PSMA3: variants seen among roughly 807,000 people sequenced by gnomAD.
The protein encoded by PSMA3 is proteasome subunit alpha type-3.
In PSMA3, 8 loss-of-function variants were observed where a neutral mutation model predicts 40.0. That is an observed-to-expected ratio of 0.20 (90% CI 0.12 to 0.36). PSMA3 has a LOEUF of 0.36. PSMA3 is among the 10% of genes least tolerant of loss of function. The pLI is 1.00. For synonymous variants in PSMA3, 110 were observed against 100.0 expected, an observed-to-expected ratio of 1.10 and a Z score of -0.59; for missense variants, 219 against 310.6, an observed-to-expected ratio of 0.70 and a Z score of 2.22.
intron 6 of PSMA3, among the ~76,000 whole-genome samples, chr14:58,263,072 T>C (rs1890329453): frequency 6.6e-6 from 1 of 150,376 alleles, no homozygotes. Flanking sequence ...AACCTCTGCC[T>C]CCCAGATTCA....
intron 5 of PSMA3, among the ~76,000 whole-genome samples, chr14:58,259,036 T>C (rs754699915): frequency 3.9e-5 from 6 of 152,292 alleles, no homozygotes; most frequent in Non-Finnish European, 8.8e-5. Flanking sequence ...CAAGCGATGC[T>C]CCTACCTCAG....
chr14:58,267,531 A>G lies in PSMA3; in HGVS notation c.590+11A>G, dbSNP rs777352057. ...AGAAGTTGCAAAAATGTAAGTTGAAATTTTTCTTACCATCCACAAAAATAT... is the reference window on the plus strand; with the variant it reads ...AGAAGTTGCAAAAATGTAAGTTGAAGTTTTTCTTACCATCCACAAAAATAT... On this transcript the variant is annotated intron_variant, in intron 8 of 10. Coordinates refer to ENST00000216455, the MANE Select transcript of PSMA3 (RefSeq NM_002788.4). 6.4e-7 allele frequency: 1 copy of G among 1,571,180 alleles called. No homozygotes were observed. Among genetic ancestry groups the G allele is most frequent in the Non-Finnish European group, 8.6e-7 (1 of 1,163,180 alleles).
At chr14:58,265,989 G>A (rs1217042604) in intron 7 of PSMA3, 1 of 152,116 alleles carries the variant, frequency 6.6e-6, no homozygotes, top group Non-Finnish European at 1.5e-5. Flanking sequence ...ACCATTATCA[G>A]ACCCAAGTAT....
Position 58,255,695 on chromosome 14 carries a change from G to T in PSMA3, c.229-2050G>T, listed in dbSNP as rs1004493467. ...GAGGCAGGAGAATCCCTTGAACCTG[G>T]GAGGTGGAGGTTGCGGTGAGCCGCG... On this transcript the variant is annotated intron_variant, in intron 3 of 10. Coordinates refer to ENST00000216455, the MANE Select transcript of PSMA3 (RefSeq NM_002788.4). Among the ~76,000 whole-genome samples the T allele has an allele frequency of 3.9e-5, 6 of 152,170 alleles. No individual in the cohort carries two copies. In the East Asian group the frequency reaches 7.7e-4, roughly 20 times the overall value.
chr14:58,248,220 G>T (rs1305764229), intron 2 of PSMA3, among the ~76,000 whole-genome samples: 1 of 152,084 alleles, frequency 6.6e-6, no homozygotes, highest in Non-Finnish European at 1.5e-5. Context: ...ATTCAGCAAA[G>T]ATTTTTTCTA....
In PSMA3 at chr14:58,263,687, ATATT is replaced by A. The variant is rs2140092390; in HGVS notation, c.478-16_478-13del. 6.3e-7 allele frequency: 1 copy of A among 1,595,488 alleles called. No individual in the cohort carries two copies. Among genetic ancestry groups the A allele is most frequent in the Non-Finnish European group, 8.6e-7 (1 of 1,163,896 alleles). ...TAGTGTACTAATTCAGTGATTATATATATTTTTTTCTAAATAGGGTTATTGGGGC... is the reference window on the plus strand; with the variant it reads ...TAGTGTACTAATTCAGTGATTATATATTTTTCTAAATAGGGTTATTGGGGC... On this transcript the variant is annotated splice_polypyrimidine_tract_variant and intron_variant, in intron 6 of 10. Transcript: ENST00000216455.
intron 5 of PSMA3, among the ~76,000 whole-genome samples, chr14:58,259,877 C>A (rs1246725326): frequency 1.3e-5 from 2 of 152,004 alleles, no homozygotes; most frequent in African/African-American, 4.8e-5. Flanking sequence ...AGAGATGATA[C>A]TGATGTAGGA....
chr14:58,251,035 G>A (rs2140080852), intron 2 of PSMA3, among the ~76,000 whole-genome samples: 1 of 152,032 alleles, frequency 6.6e-6, no homozygotes, highest in South Asian at 2.1e-4. Flanking sequence ...GAGGTGAGAG[G>A]ATTACTTGAG....
At chr14:58,261,813 T>C (rs530622624) in intron 6 of PSMA3, among the ~76,000 whole-genome samples, 1 of 152,224 alleles carries the variant, frequency 6.6e-6, no homozygotes, top group East Asian at 1.9e-4. Context: ...ACAAGGTCTT[T>C]CCACGTTCCC....
At chr14:58,252,312 T>C in intron 3 of PSMA3, 70 bp downstream of exon 3, 1 of 1,534,756 alleles carries the variant, frequency 6.5e-7, no homozygotes, top group Non-Finnish European at 8.8e-7. Context: ...TTGGAATAGA[T>C]CACTGTGCAG....
Position 58,263,554 on chromosome 14 carries a change from C to T in PSMA3, c.478-151C>T, listed in dbSNP as rs1025943586. On this transcript the variant is annotated intron_variant, in intron 6 of 10. Transcript: ENST00000216455. ...ATTTTAGTATTTTTGAGCCCTTTGG[C>T]ATTCATCAGAATGTGTTTGACTATA... 4 of 539,376 alleles carry T rather than the reference C, an allele frequency of 7.4e-6. No individual in the cohort carries two copies. In the South Asian group the frequency reaches 1.0e-4, roughly 14 times the overall value. 33.4% of individuals were successfully genotyped at this position (539,376 alleles called of 1,614,324 possible). A position where few individuals can be genotyped will look rare whatever the true frequency, so the allele number is the denominator to read the frequency against.
intron 5 of PSMA3, 114 bp downstream of exon 5, chr14:58,258,112 T>C (rs924677368): frequency 5.0e-5 from 39 of 787,748 alleles, no homozygotes; most frequent in Non-Finnish European, 8.3e-5. Context: ...CGATAAGTAT[T>C]AGGGCAATGA....
At chr14:58,259,355 C>T (rs1454679315) in intron 5 of PSMA3, among the ~76,000 whole-genome samples, 1 of 152,124 alleles carries the variant, frequency 6.6e-6, no homozygotes, top group African/African-American at 2.4e-5. Flanking sequence ...CGCTCTGTCG[C>T]CCAGGCTGGA....
At position 58,263,723 on chromosome 14, in the gene PSMA3, A is replaced by G; in HGVS notation, c.496A>G (p.Ile166Val). The change falls in exon 7 of 11, where the codon ATC becomes GTC. Residue 166 changes from isoleucine to valine, a missense_variant. By Grantham distance (29) the Ile-to-Val change is conservative. Transcript: ENST00000216455. ...TAAATAGGGTTATTGGGGCTGTGCC[A>G]TCGGCAAAGCCAGGCAAGCTGCAAA... ...GVSYGYWGCA[I>V]GKARQAAKTE... The G allele has an allele frequency of 6.2e-7, 1 of 1,613,746 alleles. No individual in the cohort carries two copies. Among genetic ancestry groups the G allele is most frequent in the Non-Finnish European group, 8.5e-7 (1 of 1,179,808 alleles).
intron 5 of PSMA3, 62 bp from the exon 6 acceptor site, chr14:58,260,886 T>G: frequency 8.1e-7 from 1 of 1,232,962 alleles, no homozygotes. Flanking sequence ...TTTAAAATAA[T>G]TTTTTCACAA....
chr14:58,252,164 A>G lies in PSMA3; in HGVS notation c.150A>G (p.Val50=). Residue 50 remains valine (V), a synonymous_variant, in exon 3 of 11, where the codon GTA becomes GTG. Transcript: ENST00000216455. ...IRCKDGVVFG[V]EKLVLSKLYE... is the part of the protein sequence containing the mutation. ...GCAAAGATGGTGTTGTCTTTGGGGT[A>G]GAAAAATTAGTCCTTTCTAAACTTT... 6.2e-7 allele frequency: 1 copy of G among 1,613,540 alleles called. No homozygotes were observed. Among genetic ancestry groups the G allele is most frequent in the Non-Finnish European group, 8.5e-7 (1 of 1,179,790 alleles).
At position 58,270,457 on chromosome 14, in the gene PSMA3, T is replaced by C. The variant is rs1437733934; in HGVS notation, c.630T>C (p.Phe210=). ...ATGACGAAGTTAAGGATAAAGCTTT[T>C]GAACTAGAACTCAGCTGGGTTGGTG... ...IVHDEVKDKA[F]ELELSWVGEL... Residue 210 remains phenylalanine (F), a synonymous_variant, in exon 9 of 11, where the codon TTT becomes TTC. Coordinates refer to ENST00000216455, the MANE Select transcript of PSMA3 (RefSeq NM_002788.4). 8 of 1,613,604 alleles carry C rather than the reference T, an allele frequency of 5.0e-6. No homozygotes were observed. Among genetic ancestry groups the C allele is most frequent in the Non-Finnish European group, 6.8e-6 (8 of 1,179,786 alleles).
rs376661234 is a variant in PSMA3 at position 58,263,811 on chromosome 14, A to G, written c.543+41A>G. On this transcript the variant is annotated intron_variant, in intron 7 of 10. Transcript: ENST00000216455. ...TGAATTTTTACTATGTCGTCATCCTAATGCAGTGAAATTTTATCACCACAG... is the reference window on the plus strand; with the variant it reads ...TGAATTTTTACTATGTCGTCATCCTGATGCAGTGAAATTTTATCACCACAG... The G allele has an allele frequency of 7.7e-6, 12 of 1,559,450 alleles. No homozygotes were observed. The African/African-American group carries it at 1.2e-4, about 16-fold the overall frequency.
intron 10 of PSMA3, 148 bp from the exon 11 acceptor site, chr14:58,271,703 C>T (rs566529132): frequency 1.6e-6 from 1 of 641,280 alleles, no homozygotes; most frequent in Non-Finnish European, 2.8e-6. Flanking sequence ...ATTAACTTTG[C>T]TTGGGTATCT....
Sources: gnomAD v4.1 joint callset for allele counts (sites outside exome capture counted in the v4.1 genomes callset) on GRCh38, gnomAD v4.1.1 for gene constraint, MANE v1.5 for transcripts, NCBI Gene and HGNC (gene_info 2026-07-23, HGNC 2026-07-21) for gene names.